SPATA17: variants seen among roughly 807,000 people sequenced by gnomAD.
The protein encoded by SPATA17 is spermatogenesis-associated protein 17.
Under a neutral mutation model 62.2 loss-of-function variants are expected in SPATA17, and 53 were observed. The observed-to-expected ratio is 0.85, with a 90% CI of 0.68 to 1.07. The LOEUF (loss-of-function observed/expected upper bound fraction) is 1.07. Ranked by LOEUF, SPATA17 falls within the 50% of genes least tolerant of loss-of-function variation. SPATA17 has a pLI of 0.00. For synonymous variants in SPATA17, 146 were observed against 146.8 expected, an observed-to-expected ratio of 0.99 and a Z score of 0.04; for missense variants, 466 against 425.5, an observed-to-expected ratio of 1.10 and a Z score of -0.84.
At chr1:217,851,441 A>T (rs1376411651) in intron 9 of SPATA17, among the ~76,000 whole-genome samples, 1 of 152,150 alleles carries the variant, frequency 6.6e-6, no homozygotes, top group Admixed American at 6.6e-5. Flanking sequence ...GAAATCTTTC[A>T]TAATTCCTTT....
rs571557948 is a variant in SPATA17, at chr1:217,701,990, CTT to C, written c.395+18630_395+18631del. Among the ~76,000 whole-genome samples the C allele has an allele frequency of 5.9e-3, 887 of 150,808 alleles. 7 individuals carry two copies. Among genetic ancestry groups the C allele is most frequent in the African/African-American group, 0.02 (818 of 41,088 alleles). On this transcript the variant is annotated intron_variant, in intron 5 of 10. Coordinates refer to ENST00000366933, the MANE Select transcript of SPATA17 (RefSeq NM_138796.4). Reference sequence around the variant, plus strand: ...ATAAATAATACAGAAATGTATAAAACTTAATATTACAAATACTTAGAGGCAAT... The same window carrying C: ...ATAAATAATACAGAAATGTATAAAACAATATTACAAATACTTAGAGGCAAT...
rs151052943 is a variant in SPATA17, at chr1:217,783,449, T to C, written c.872+1127T>C. ...GCTGTAGAGTGTTTAGCAGATTCTT[T>C]CAATAATTGATTGGCTTAACCCAAC... On this transcript the variant is annotated intron_variant, in intron 8 of 10. Coordinates refer to ENST00000366933, the MANE Select transcript of SPATA17 (RefSeq NM_138796.4). Among the ~76,000 whole-genome samples the C allele has an allele frequency of 5.9e-5, 9 of 152,142 alleles. No individual in the cohort carries two copies. In the East Asian group the frequency reaches 7.7e-4, roughly 13 times the overall value.
chr1:217,683,179 T>TA (rs1437860476), intron 4 of SPATA17, 79 bp from the exon 5 acceptor site: 1 of 944,444 alleles, frequency 1.1e-6, no homozygotes, highest in Non-Finnish European at 1.6e-6. Flanking sequence ...CAGCCATAAT[T>TA]ACCTTAATTT....
At chr1:217,688,711 T>C (rs1671281556) in intron 5 of SPATA17, among the ~76,000 whole-genome samples, 1 of 152,212 alleles carries the variant, frequency 6.6e-6, no homozygotes, top group Admixed American at 6.5e-5. Context: ...TAAATGTTGA[T>C]AGAGTTGGGG....
chr1:217,809,874 C>G (rs1674541793), intron 9 of SPATA17, among the ~76,000 whole-genome samples: 1 of 148,886 alleles, frequency 6.7e-6, no homozygotes, highest in African/African-American at 2.5e-5. Context: ...AGAATGTAAG[C>G]TAAATATGCT....
intron 3 of SPATA17, among the ~76,000 whole-genome samples, chr1:217,651,932 C>G (rs1307949431): frequency 6.6e-6 from 1 of 152,154 alleles, no homozygotes; most frequent in Non-Finnish European, 1.5e-5. Context: ...ATCCACTTGT[C>G]CATGAACACA....
intron 6 of SPATA17, among the ~76,000 whole-genome samples, chr1:217,746,717 TATTA>T (rs1182383021): frequency 1.3e-5 from 2 of 151,950 alleles, no homozygotes; most frequent in South Asian, 2.1e-4. Context: ...TTTTTGATGG[TATTA>T]ATTATCTCAT....
chr1:217,789,291 C>G (rs535130496), intron 8 of SPATA17, among the ~76,000 whole-genome samples: 4 of 152,176 alleles, frequency 2.6e-5, no homozygotes, highest in African/African-American at 9.7e-5. Context: ...TGAGCTCCTC[C>G]ACTTGCTGGA....
Position 217,680,083 on chromosome 1 carries a change from T to C in SPATA17, c.292-3175T>C, listed in dbSNP as rs117168743. ...CCCTTAATACTGTTTGATATCTTAATATTTTCCTATGCAACTTGAATAACT... is the reference window on the plus strand; with the variant it reads ...CCCTTAATACTGTTTGATATCTTAACATTTTCCTATGCAACTTGAATAACT... On this transcript the variant is annotated intron_variant, in intron 4 of 10. Coordinates refer to ENST00000366933, the MANE Select transcript of SPATA17 (RefSeq NM_138796.4). Among the ~76,000 whole-genome samples, 35 of 152,346 alleles carry C rather than the reference T, an allele frequency of 2.3e-4. No individual in the cohort carries two copies. In the East Asian group the frequency reaches 6.6e-3, roughly 29 times the overall value.
intron 1 of SPATA17, among the ~76,000 whole-genome samples, chr1:217,636,216 A>G (rs1339482815): frequency 6.6e-6 from 1 of 151,940 alleles, no homozygotes; most frequent in African/African-American, 2.4e-5. Flanking sequence ...ATAAAAAAGT[A>G]ACCTTTGACT....
At chr1:217,658,544 G>C (rs1396401411) in intron 3 of SPATA17, among the ~76,000 whole-genome samples, 1 of 152,126 alleles carries the variant, frequency 6.6e-6, no homozygotes, top group African/African-American at 2.4e-5. Context: ...AGATCACGAG[G>C]TCAGGAGATC....
intron 9 of SPATA17, among the ~76,000 whole-genome samples, chr1:217,832,647 TAA>T (rs1351718235): frequency 1.3e-5 from 2 of 152,234 alleles, no homozygotes; most frequent in Non-Finnish European, 2.9e-5. Flanking sequence ...CACATAAAAA[TAA>T]AGTTTACTTT....
chr1:217,671,874 ACTCTT>A (rs940904182), intron 4 of SPATA17, among the ~76,000 whole-genome samples: 6 of 152,086 alleles, frequency 3.9e-5, no homozygotes, highest in African/African-American at 1.4e-4. Flanking sequence ...GTTCAAAGTC[ACTCTT>A]CAGAGGTTTG....
intron 8 of SPATA17, among the ~76,000 whole-genome samples, chr1:217,795,860 A>G (rs1464088014): frequency 6.6e-6 from 1 of 152,028 alleles, no homozygotes; most frequent in East Asian, 1.9e-4. Context: ...GTGCAGTGGC[A>G]TGATCGTGAC....
chr1:217,757,216 G>T (rs1324457202), intron 6 of SPATA17, among the ~76,000 whole-genome samples: 1 of 152,138 alleles, frequency 6.6e-6, no homozygotes, highest in Non-Finnish European at 1.5e-5. Context: ...CCTTTTTCCT[G>T]CCTGATTTCA....
chr1:217,839,171 A>G (rs981946488), intron 9 of SPATA17, among the ~76,000 whole-genome samples: 15 of 152,090 alleles, frequency 9.9e-5, no homozygotes. Context: ...AGTAATGCAC[A>G]TAGACAGAGT....
chr1:217,714,295 AG>A (rs1558576731), intron 5 of SPATA17, among the ~76,000 whole-genome samples: 1 of 151,786 alleles, frequency 6.6e-6, no homozygotes, highest in Non-Finnish European at 1.5e-5. Context: ...AAGTTGATGC[AG>A]GAGAATGTCT....
intron 9 of SPATA17, among the ~76,000 whole-genome samples, chr1:217,853,721 T>A (rs375561083): frequency 6.6e-6 from 1 of 152,330 alleles, no homozygotes; most frequent in African/African-American, 2.4e-5. Flanking sequence ...AATCAGTGCA[T>A]AATAGTGTTT....
At chr1:217,678,205 C>CTTTT (rs974715757) in intron 4 of SPATA17, among the ~76,000 whole-genome samples, 83 of 107,500 alleles carry the variant, frequency 7.7e-4, no homozygotes, top group East Asian at 1.1e-3. Flanking sequence ...CTTTTCTTTT[C>CTTTT]TTTTTTTTTT....
Sources: gnomAD v4.1 joint callset for allele counts (sites outside exome capture counted in the v4.1 genomes callset) on GRCh38, gnomAD v4.1.1 for gene constraint, MANE v1.5 for transcripts, NCBI Gene and HGNC (gene_info 2026-07-23, HGNC 2026-07-21) for gene names.